GLP2R: variants seen among roughly 807,000 people sequenced by gnomAD.
The protein encoded by GLP2R is glucagon like peptide 2 receptor.
Under a neutral mutation model 68.2 loss-of-function variants are expected in GLP2R, and 59 were observed. That is an observed-to-expected ratio of 0.87 (90% CI 0.70 to 1.07). The LOEUF (loss-of-function observed/expected upper bound fraction) is 1.07, where lower values mean the gene tolerates loss of function less well. GLP2R is among the 50% of genes least tolerant of loss of function. The pLI is 0.00. For missense variants in GLP2R, 548 were observed against 677.4 expected (o/e 0.81, Z 2.12); for synonymous variants, 270 against 265.4 (o/e 1.02, Z -0.17).
chr17:9,838,354 A>T (rs554728124), intron 3 of GLP2R, among the ~76,000 whole-genome samples: 71 of 152,342 alleles, frequency 4.7e-4, no homozygotes, highest in Non-Finnish European at 5.9e-5. Context: ...AGGCACTCAC[A>T]GGGTGCGTCG....
At chr17:9,833,357 AGAGCCTTT>A (rs71136002) in intron 1 of GLP2R, among the ~76,000 whole-genome samples, 23,738 of 151,982 alleles carry the variant, frequency 0.16, 2,817 homozygotes, top group East Asian at 0.58. Flanking sequence ...CTGTCTACTC[AGAGCCTTT>A]GAGCCTTTGA....
At chr17:9,885,914 C>T (rs2152050385) in intron 11 of GLP2R, among the ~76,000 whole-genome samples, 1 of 152,296 alleles carries the variant, frequency 6.6e-6, no homozygotes, top group East Asian at 1.9e-4. Context: ...GAGCTCTGCT[C>T]ATCACCCTGT....
chr17:9,869,506 G>T (rs923661380), intron 9 of GLP2R, among the ~76,000 whole-genome samples: 12 of 152,206 alleles, frequency 7.9e-5, no homozygotes, highest in Non-Finnish European at 1.5e-4. Flanking sequence ...GGGGGCTCTT[G>T]ATCTCTCCCG....
intron 3 of GLP2R, among the ~76,000 whole-genome samples, chr17:9,840,067 C>T (rs1476699653): frequency 6.6e-6 from 1 of 151,124 alleles, no homozygotes; most frequent in Non-Finnish European, 1.5e-5. Context: ...ACCTCTGCCT[C>T]CTGGGCTCAA....
At position 9,887,865 on chromosome 17, in the gene GLP2R, T is replaced by G. The variant is rs2067257132; in HGVS notation, c.1285-67T>G. 9.5e-6 allele frequency: 11 copies of G among 1,155,510 alleles called. No homozygotes were observed. The South Asian group carries it at 1.2e-4, about 13-fold the overall frequency. The allele number at this position is 1,155,510 out of a possible 1,614,324, so 71.6% of individuals were successfully genotyped here. A position where few individuals can be genotyped will look rare whatever the true frequency, so the allele number is the denominator to read the frequency against. On this transcript the variant is annotated intron_variant, in intron 11 of 12. Transcript: ENST00000262441. Reference sequence around the variant, plus strand: ...ACGACCTGTGCAGGGCTTTGGACGTTGCCAGTAACTCTCAGACACATCTTC... The same window carrying G: ...ACGACCTGTGCAGGGCTTTGGACGTGGCCAGTAACTCTCAGACACATCTTC...
chr17:9,869,941 A>T (rs919226054), intron 9 of GLP2R, among the ~76,000 whole-genome samples: 3 of 152,174 alleles, frequency 2.0e-5, no homozygotes, highest in African/African-American at 7.2e-5. Flanking sequence ...GCATATTTTT[A>T]AATTTCTTTA....
chr17:9,848,867 TTGTG>T (rs144324194), intron 4 of GLP2R, among the ~76,000 whole-genome samples: 54 of 139,398 alleles, frequency 3.9e-4, no homozygotes, highest in Admixed American at 9.4e-4. Flanking sequence ...TTAAAGGAGA[TTGTG>T]TGTGTGTGTG....
At chr17:9,860,451 G>A (rs1454900566) in intron 7 of GLP2R, among the ~76,000 whole-genome samples, 1 of 152,178 alleles carries the variant, frequency 6.6e-6, no homozygotes, top group Non-Finnish European at 1.5e-5. Context: ...CTATGGTTCT[G>A]GAGGGTGGGA....
chr17:9,882,906 TTATAA>T (rs1324961189), intron 11 of GLP2R, among the ~76,000 whole-genome samples: 2 of 151,658 alleles, frequency 1.3e-5, no homozygotes, highest in Non-Finnish European at 2.9e-5. Flanking sequence ...TCCTGAGTTG[TTATAA>T]TATATTATCT....
At chr17:9,840,310 C>G (rs1225753320) in intron 3 of GLP2R, among the ~76,000 whole-genome samples, 1 of 152,210 alleles carries the variant, frequency 6.6e-6, no homozygotes, top group Non-Finnish European at 1.5e-5. Context: ...AGTCTTCTGT[C>G]TTAGCATTTA....
chr17:9,840,738 G>A (rs145402869), intron 3 of GLP2R, among the ~76,000 whole-genome samples: 33 of 152,328 alleles, frequency 2.2e-4, no homozygotes, highest in African/African-American at 6.0e-4. Flanking sequence ...CGATGGCAAG[G>A]TGACATTTTG....
intron 12 of GLP2R, among the ~76,000 whole-genome samples, chr17:9,889,166 C>T (rs1036432051): frequency 2.0e-5 from 3 of 152,298 alleles, no homozygotes; most frequent in African/African-American, 7.2e-5. Context: ...GTTTTTGTTT[C>T]TTTACCGTAT....
In GLP2R at chr17:9,889,427, T is replaced by G. The variant is rs749755535; in HGVS notation, c.1384T>G (p.Cys462Gly). ...VRFLLARHSG[C>G]RACVLGKDFR... ...CTTCTTGCTAGCCCGCCACTCAGGC[T>G]GCAGAGCCTGTGTCCTGGGGAAGGA... is the stretch of plus-strand genomic sequence containing the variant. The change falls in exon 13 of 13, where the codon TGC becomes GGC. Residue 462 changes from cysteine (C) to glycine (G), a missense_variant. Cys to Gly is a radical substitution (Grantham distance 159, BLOSUM62 -3). Transcript: ENST00000262441. 2 of 1,614,196 alleles carry G rather than the reference T, an allele frequency of 1.2e-6. No individual in the cohort carries two copies. The highest frequency in any genetic ancestry group is 4.5e-5 in the East Asian group (2 of 44,890).
intron 6 of GLP2R, 141 bp downstream of exon 6, chr17:9,857,717 C>G (rs939403732): frequency 1.3e-6 from 1 of 792,076 alleles, no homozygotes; most frequent in Non-Finnish European, 2.0e-6. Context: ...AGAAGTAGTA[C>G]GTGACTTAAC....
intron 9 of GLP2R, among the ~76,000 whole-genome samples, chr17:9,868,531 G>C (rs1206567026): frequency 6.6e-6 from 1 of 152,110 alleles, no homozygotes; most frequent in Non-Finnish European, 1.5e-5. Flanking sequence ...GAGTTGGCTG[G>C]GTTCTTGGAA....
At chr17:9,876,601 C>T (rs2067144280) in intron 10 of GLP2R, among the ~76,000 whole-genome samples, 1 of 152,164 alleles carries the variant, frequency 6.6e-6, no homozygotes, top group Admixed American at 6.5e-5. Context: ...TGATCCGCTT[C>T]AGGAGAAGGT....
intron 4 of GLP2R, chr17:9,852,972 C>T: frequency 2.1e-6 from 1 of 476,462 alleles, no homozygotes; most frequent in South Asian, 2.0e-5. Flanking sequence ...AAGTGCTGTC[C>T]ACTAATAGGC....
At chr17:9,864,457 G>A (rs769394437) in intron 9 of GLP2R, among the ~76,000 whole-genome samples, 4 of 151,868 alleles carry the variant, frequency 2.6e-5, no homozygotes, top group African/African-American at 4.8e-5. Flanking sequence ...TCTGGGAGTG[G>A]GGCCTAGGCA....
At position 9,890,020 on chromosome 17, in the gene GLP2R, A is replaced by G. The variant is rs2067278185; in HGVS notation, c.*315A>G. 1.2e-5 allele frequency: 6 copies of G among 489,822 alleles called. No homozygotes were observed. Among genetic ancestry groups the G allele is most frequent in the South Asian group, 9.3e-5 (6 of 64,840 alleles). 30.3% of individuals were successfully genotyped at this position (489,822 alleles called of 1,614,324 possible). A position where few individuals can be genotyped will look rare whatever the true frequency, so the allele number is the denominator to read the frequency against. ...CCACCATGAAGAGAGGTCTCCTGTT[A>G]TAGAGAAGCCAGCCAATATCTCTTC... On this transcript the variant is annotated 3_prime_UTR_variant, in exon 13 of 13. Coordinates refer to ENST00000262441, the MANE Select transcript of GLP2R (RefSeq NM_004246.3).
Sources: gnomAD v4.1 joint callset for allele counts (sites outside exome capture counted in the v4.1 genomes callset) on GRCh38, gnomAD v4.1.1 for gene constraint, MANE v1.5 for transcripts, NCBI Gene and HGNC (gene_info 2026-07-23, HGNC 2026-07-21) for gene names.